POU2AF3: variants seen among roughly 807,000 people sequenced by gnomAD.
POU2AF3 encodes the protein POU class 2 homeobox associating factor 3.
chr11:111,306,724 T>A, the POU2AF3 span: 1 of 878,556 alleles, frequency 1.1e-6, no homozygotes, highest in Non-Finnish European at 1.7e-6. Context: ...ACAAAAACTA[T>A]CAGCAAGGAA....
chr11:111,300,709 CCACG>C, the POU2AF3 span: 8 of 604,610 alleles, frequency 1.3e-5, no homozygotes, highest in Non-Finnish European at 1.9e-5. Flanking sequence ...ACTCAAGGCC[CCACG>C]CACTCACCAT....
chr11:111,298,815 G>C, the POU2AF3 span: 3 of 1,194,662 alleles, frequency 2.5e-6, no homozygotes, highest in Middle Eastern at 3.2e-4. Flanking sequence ...CCGGACGTCC[G>C]CGTACCCCAG....
the POU2AF3 span, chr11:111,305,099 C>A: frequency 1.9e-6 from 1 of 533,116 alleles, no homozygotes; most frequent in African/African-American, 2.0e-5. Context: ...TGGAATCCAA[C>A]CAATCAGAAG....
At chr11:111,300,799 A>G in the POU2AF3 span, among the ~76,000 whole-genome samples, 1 of 152,216 alleles carries the variant, frequency 6.6e-6, no homozygotes, top group South Asian at 2.1e-4. Context: ...GCTACAGAGG[A>G]CAGCTGGGGC....
At chr11:111,300,605 C>A in the POU2AF3 span, 1 of 1,231,304 alleles carries the variant, frequency 8.1e-7, no homozygotes. Flanking sequence ...GCACACCAGG[C>A]GGCCTCCGGG....
chr11:111,305,040 A>G, the POU2AF3 span: 1 of 1,081,966 alleles, frequency 9.2e-7, no homozygotes, highest in Non-Finnish European at 1.2e-6. Context: ...TCCATCTCAA[A>G]AGTCTTTCAG....
chr11:111,301,899 C>G, the POU2AF3 span, among the ~76,000 whole-genome samples: 4 of 152,102 alleles, frequency 2.6e-5, no homozygotes, highest in African/African-American at 9.7e-5. Flanking sequence ...TTGTTCACAC[C>G]CTTTGCTCAG....
the POU2AF3 span, chr11:111,308,207 C>A: frequency 1.3e-6 from 2 of 1,551,806 alleles, no homozygotes; most frequent in Non-Finnish European, 1.7e-6. Context: ...TGGCTACCCC[C>A]CAGAAGACCA....
chr11:111,305,623 G>A, the POU2AF3 span, among the ~76,000 whole-genome samples: 2 of 152,164 alleles, frequency 1.3e-5, no homozygotes, highest in Non-Finnish European at 2.9e-5. Context: ...GTGTCCTTTA[G>A]TCCCTTTGAT....
At chr11:111,302,819 G>A in the POU2AF3 span, among the ~76,000 whole-genome samples, 2 of 152,158 alleles carry the variant, frequency 1.3e-5, no homozygotes, top group East Asian at 1.9e-4. Context: ...GGAAGCCATC[G>A]GATGGATCTG....
At chr11:111,302,737 A>G in the POU2AF3 span, among the ~76,000 whole-genome samples, 7 of 152,330 alleles carry the variant, frequency 4.6e-5, no homozygotes, top group Non-Finnish European at 7.3e-5. Flanking sequence ...GCATCAGCCT[A>G]TGCCCTCGCA....
chr11:111,299,620 A>G, the POU2AF3 span: 1 of 1,226,076 alleles, frequency 8.2e-7, no homozygotes, highest in Non-Finnish European at 1.0e-6. Flanking sequence ...GGCGGAGTGC[A>G]GGGTCATCGG....
At chr11:111,306,509 T>C in the POU2AF3 span, 3 of 1,544,040 alleles carry the variant, frequency 1.9e-6, no homozygotes, top group African/African-American at 4.1e-5. Flanking sequence ...AGATCTTTGA[T>C]TCCTACCTTC....
the POU2AF3 span, chr11:111,299,315 C>T: frequency 6.1e-6 from 6 of 987,508 alleles, no homozygotes; most frequent in African/African-American, 7.0e-5. Flanking sequence ...GCGCACTTCC[C>T]GGCGCGATTC....
the POU2AF3 span, chr11:111,304,997 C>T: frequency 2.8e-5 from 35 of 1,228,508 alleles, no homozygotes; most frequent in Admixed American, 9.3e-4. Flanking sequence ...GTACAGCCAG[C>T]ATTAACAGTT....
chr11:111,306,292 C>A, the POU2AF3 span: 6 of 564,104 alleles, frequency 1.1e-5, no homozygotes, highest in African/African-American at 7.8e-5. Context: ...GTTAAGCCCC[C>A]TTTCCCCCTA....
the POU2AF3 span, chr11:111,306,559 A>G: frequency 6.4e-7 from 1 of 1,551,728 alleles, no homozygotes. Flanking sequence ...AATTCCACAC[A>G]AAGTGCTCCA....
At chr11:111,303,580 C>T in the POU2AF3 span, among the ~76,000 whole-genome samples, 1 of 152,198 alleles carries the variant, frequency 6.6e-6, no homozygotes, top group Non-Finnish European at 1.5e-5. Flanking sequence ...TTAAGGAAAG[C>T]TCTACAATGA....
chr11:111,308,553 T>G, the POU2AF3 span: 1 of 1,134,424 alleles, frequency 8.8e-7, no homozygotes, highest in Non-Finnish European at 1.2e-6. Context: ...AGTTTACATG[T>G]CACTATTTCC....
Sources: allele counts gnomAD v4.1 joint callset (sites outside exome capture counted in the v4.1 genomes callset), GRCh38; gene constraint gnomAD v4.1.1; transcripts MANE v1.5; gene names NCBI Gene and HGNC (gene_info 2026-07-23, HGNC 2026-07-21).